SLFN12L: variants seen among roughly 807,000 people sequenced by gnomAD.
SLFN12L encodes schlafen family member 12 like.
SLFN12L carries 34 observed loss-of-function variants against 34.8 expected under a neutral mutation model. The ratio of observed to expected loss-of-function variants is 0.98; its 90% confidence interval spans 0.74 to 1.30. SLFN12L has a LOEUF of 1.30. Ranked by LOEUF, SLFN12L falls within the 50% of genes most tolerant of loss-of-function variation. The pLI, the probability that SLFN12L is intolerant of heterozygous loss-of-function variation, is 0.00. For missense variants in SLFN12L, 703 were observed against 696.2 expected (o/e 1.01, Z -0.11); for synonymous variants, 259 against 247.5 (o/e 1.05, Z -0.44).
At chr17:35,520,877 T>C (rs1277669154) in intron 2 of SLFN12L, among the ~76,000 whole-genome samples, 2 of 152,158 alleles carry the variant, frequency 1.3e-5, no homozygotes, top group Non-Finnish European at 2.9e-5. Flanking sequence ...CTGCTGAATA[T>C]ATATACTGCC....
chr17:35,519,583 A>C (rs1915938388), intron 2 of SLFN12L, among the ~76,000 whole-genome samples: 1 of 152,160 alleles, frequency 6.6e-6, no homozygotes. Flanking sequence ...TCCCCACATC[A>C]AGGAAGTGGC....
In SLFN12L at chr17:35,465,725, G is replaced by T. The variant is rs1913711035; in HGVS notation, c.*9198C>A. Among the ~76,000 whole-genome samples, 1 of 149,912 alleles carries T rather than the reference G, an allele frequency of 6.7e-6. No homozygotes were observed. The highest frequency in any genetic ancestry group is 1.5e-5 in the Non-Finnish European group (1 of 67,614). On this transcript the variant is annotated 3_prime_UTR_variant, in exon 5 of 5. Coordinates refer to ENST00000628453, the MANE Select transcript of SLFN12L (RefSeq NM_001363830.2). ...CACGGTGGAGGACTACAACATTATT[G>T]CTGTGGTCTTGTCGACTAGGGCCTC... is the stretch of plus-strand genomic sequence containing the variant.
chr17:35,530,510 A>C (rs1385399090), intron 1 of SLFN12L, among the ~76,000 whole-genome samples: 1 of 38,348 alleles, frequency 2.6e-5, no homozygotes, highest in African/African-American at 9.4e-5. Context: ...GAAAGAAAGA[A>C]AGAAAAGAAA....
At position 35,464,292 on chromosome 17, in the gene SLFN12L, G is replaced by T. The variant is rs949083576; in HGVS notation, c.*10631C>A. The T allele has an allele frequency of 6.6e-6, 1 of 152,072 alleles. No homozygotes were observed. The highest frequency in any genetic ancestry group is 1.5e-5 in the Non-Finnish European group (1 of 68,024). The allele number at this position is 152,072 out of a possible 1,614,324, so 9.4% of individuals were successfully genotyped here. A position where few individuals can be genotyped will look rare whatever the true frequency, so the allele number is the denominator to read the frequency against. On this transcript the variant is annotated 3_prime_UTR_variant, in exon 5 of 5. Transcript: ENST00000628453. ...TTTGTTAATTTTTATTTTAGGTTTGGGGGCGCATGTGAAGGCTCATTACAC... is the reference window on the plus strand; with the variant it reads ...TTTGTTAATTTTTATTTTAGGTTTGTGGGCGCATGTGAAGGCTCATTACAC...
At chr17:35,536,777 C>G (rs1316505186) in intron 1 of SLFN12L, among the ~76,000 whole-genome samples, 2 of 151,228 alleles carry the variant, frequency 1.3e-5, no homozygotes, top group African/African-American at 4.9e-5. Flanking sequence ...TCACTGCACT[C>G]CAGCCTGGGT....
chr17:35,532,352 A>T (rs553694112), intron 1 of SLFN12L, among the ~76,000 whole-genome samples: 1 of 151,626 alleles, frequency 6.6e-6, no homozygotes, highest in African/African-American at 2.4e-5. Flanking sequence ...AGGAAGGAGA[A>T]TTGCTTGGAC....
chr17:35,490,439 C>T, intron 2 of SLFN12L: 2 of 1,141,102 alleles, frequency 1.8e-6, no homozygotes, highest in Non-Finnish European at 2.7e-6. Context: ...TTGAACAAGG[C>T]AGCGGAAGTG....
At chr17:35,502,470 A>T (rs1471772772) in intron 2 of SLFN12L, among the ~76,000 whole-genome samples, 9 of 151,394 alleles carry the variant, frequency 5.9e-5, no homozygotes. Context: ...ACCACTGAAA[A>T]TTCCCTTAAC....
chr17:35,521,554 G>A (rs1475386987), intron 2 of SLFN12L, among the ~76,000 whole-genome samples: 1 of 152,144 alleles, frequency 6.6e-6, no homozygotes, highest in Non-Finnish European at 1.5e-5. Flanking sequence ...GCAGAGATAG[G>A]CAGGCACCAT....
rs1913695966 is a variant in SLFN12L, at chr17:35,464,822, A to G, written c.*10101T>C. ...TATACCAAAGAATTTATATAACAAAAAGATAGCTAAGGTCGTGATTGGGTT... is the reference window on the plus strand; with the variant it reads ...TATACCAAAGAATTTATATAACAAAGAGATAGCTAAGGTCGTGATTGGGTT... On this transcript the variant is annotated 3_prime_UTR_variant, in exon 5 of 5. Coordinates refer to ENST00000628453, the MANE Select transcript of SLFN12L (RefSeq NM_001363830.2). Among the ~76,000 whole-genome samples, 1 of 152,188 alleles carries G rather than the reference A, an allele frequency of 6.6e-6. No individual in the cohort carries two copies. The highest frequency in any genetic ancestry group is 2.1e-4 in the South Asian group (1 of 4,830).
intron 1 of SLFN12L, among the ~76,000 whole-genome samples, chr17:35,533,857 G>T (rs968711643): frequency 1.3e-5 from 2 of 152,156 alleles, no homozygotes; most frequent in East Asian, 3.9e-4. Context: ...GAGGCGGGCA[G>T]ATCACCTGAG....
chr17:35,532,389 G>A (rs1052470637), intron 1 of SLFN12L, among the ~76,000 whole-genome samples: 56 of 150,068 alleles, frequency 3.7e-4, no homozygotes, highest in Admixed American at 3.5e-3. Context: ...GCAGTGAGCC[G>A]AGATTGCACC....
rs1221802271 is a variant in SLFN12L at position 35,467,479 on chromosome 17, A to G, written c.*7444T>C. ...CAAGGCACACATTTCACATTGCAAA[A>G]TACACACTGAATGGGCTCCCGAAAC... On this transcript the variant is annotated 3_prime_UTR_variant, in exon 5 of 5. Coordinates refer to ENST00000628453, the MANE Select transcript of SLFN12L (RefSeq NM_001363830.2). 6.6e-6 allele frequency among the ~76,000 whole-genome samples: 1 copy of G among 152,216 alleles called. No individual in the cohort carries two copies. The highest frequency in any genetic ancestry group is 1.9e-4 in the East Asian group (1 of 5,200).
At chr17:35,495,995 T>C (rs1490688528) in intron 2 of SLFN12L, among the ~76,000 whole-genome samples, 3 of 151,310 alleles carry the variant, frequency 2.0e-5, no homozygotes, top group Non-Finnish European at 4.4e-5. Context: ...CGGGGGCATT[T>C]AAATTCCCCA....
chr17:35,486,729 G>T (rs1914596474), intron 2 of SLFN12L, among the ~76,000 whole-genome samples: 1 of 152,100 alleles, frequency 6.6e-6, no homozygotes, highest in Non-Finnish European at 1.5e-5. Context: ...TTATACTTTT[G>T]ACTATAGGGG....
intron 2 of SLFN12L, among the ~76,000 whole-genome samples, 184 bp downstream of exon 2, chr17:35,522,095 T>G (rs780265495): frequency 6.6e-5 from 10 of 152,018 alleles, no homozygotes; most frequent in African/African-American, 2.4e-4. Flanking sequence ...GTTGTGCACA[T>G]GTACCCTACA....
rs1567647133 is a variant in SLFN12L at position 35,479,633 on chromosome 17, T to C, written c.649A>G (p.Ser217Gly). The change falls in exon 3 of 5, where the codon AGT (serine) becomes GGT (glycine). Residue 217 changes from serine to glycine, a missense_variant. Physicochemically the swap from Ser to Gly is moderately conservative, Grantham distance 56. Transcript: ENST00000628453. ...TCAGCAGCCAAGGCTTCCATGTTAC[T>C]TTCTTCTTGTACATCAACACAGGCC... Reference protein sequence around the residue: ...KRACVDVQEESNMEALAADFF... With the variant: ...KRACVDVQEEGNMEALAADFF... 10 of 1,611,202 alleles carry C rather than the reference T, an allele frequency of 6.2e-6. No homozygotes were observed. The African/African-American group carries it at 1.1e-4, about 17-fold the overall frequency.
At chr17:35,507,550 C>G (rs1915504347) in intron 2 of SLFN12L, among the ~76,000 whole-genome samples, 1 of 152,150 alleles carries the variant, frequency 6.6e-6, no homozygotes, top group African/African-American at 2.4e-5. Flanking sequence ...CATAGATGAT[C>G]AGGGCAAGCA....
chr17:35,537,460 A>C (rs8065286), intron 1 of SLFN12L, 113 bp downstream of exon 1: 1 of 152,052 alleles, frequency 6.6e-6, no homozygotes, highest in Non-Finnish European at 1.5e-5. Context: ...ATATCTGGAA[A>C]AGTCTGTAGC....
Sources: gnomAD v4.1 joint callset for allele counts (sites outside exome capture counted in the v4.1 genomes callset) on GRCh38, gnomAD v4.1.1 for gene constraint, MANE v1.5 for transcripts, NCBI Gene and HGNC (gene_info 2026-07-23, HGNC 2026-07-21) for gene names.